The following RHOA variants were observed in gnomAD, a reference collection of about 807,000 sequenced individuals.
RHOA encodes the protein transforming protein RhoA.
In RHOA, 3 loss-of-function variants were observed where a neutral mutation model predicts 17.5. The ratio of observed to expected loss-of-function variants is 0.17; its 90% CI spans 0.08 to 0.44. The LOEUF (loss-of-function observed/expected upper bound fraction) is 0.44. Ranked by LOEUF, RHOA falls within the 20% of genes least tolerant of loss-of-function variation. The pLI, the probability that RHOA is intolerant of heterozygous loss-of-function variation, is 0.99. For synonymous variants in RHOA, 98 were observed against 88.4 expected, an observed-to-expected ratio of 1.11 and a Z score of -0.61; for missense variants, 56 against 242.3, an observed-to-expected ratio of 0.23 and a Z score of 5.10.
intron 1 of RHOA, among the ~76,000 whole-genome samples, chr3:49,411,607 C>G (rs909750487): frequency 6.6e-6 from 1 of 151,866 alleles, no homozygotes; most frequent in Admixed American, 6.6e-5. Flanking sequence ...AGGAGACTAC[C>G]GGGCGCGCTT....
At chr3:49,394,805 C>T (rs935755005) in intron 1 of RHOA, among the ~76,000 whole-genome samples, 1 of 152,160 alleles carries the variant, frequency 6.6e-6, no homozygotes, top group Non-Finnish European at 1.5e-5. Flanking sequence ...GCAAGTGATT[C>T]TGCCAGAGAG....
chr3:49,399,582 T>C (rs1218372306), intron 1 of RHOA, among the ~76,000 whole-genome samples: 1 of 151,290 alleles, frequency 6.6e-6, no homozygotes, highest in Non-Finnish European at 1.5e-5. Context: ...AGGAGCTTTT[T>C]TTTTTTTTTC....
At chr3:49,379,418 T>G (rs991968883) in intron 1 of RHOA, among the ~76,000 whole-genome samples, 2 of 151,904 alleles carry the variant, frequency 1.3e-5, no homozygotes, top group South Asian at 4.2e-4. Context: ...AATACTGGAG[T>G]TTCTCAGGTA....
At chr3:49,382,788 C>CTGGG (rs2048338009) in intron 1 of RHOA, among the ~76,000 whole-genome samples, 1 of 152,152 alleles carries the variant, frequency 6.6e-6, no homozygotes, top group African/African-American at 2.4e-5. Context: ...GCCGAGTGTG[C>CTGGG]TGGGGTTCAT....
intron 1 of RHOA, among the ~76,000 whole-genome samples, chr3:49,385,877 G>A (rs1170159965): frequency 3.3e-5 from 5 of 152,128 alleles, no homozygotes; most frequent in Non-Finnish European, 7.3e-5. Context: ...GCACACTTGA[G>A]AAATCAACTA....
chr3:49,367,342 CAAAAAAA>C (rs62926260), intron 3 of RHOA, among the ~76,000 whole-genome samples: 49 of 80,500 alleles, frequency 6.1e-4, no homozygotes, highest in African/African-American at 2.0e-3. Flanking sequence ...GACTCCCTCT[CAAAAAAA>C]AAAAAAAAAA....
intron 1 of RHOA, among the ~76,000 whole-genome samples, chr3:49,398,223 C>T (rs2048652126): frequency 7.5e-6 from 1 of 133,156 alleles, no homozygotes; most frequent in African/African-American, 2.8e-5. Flanking sequence ...TGGTGGCGCG[C>T]TCCTGTGGTC....
intron 2 of RHOA, among the ~76,000 whole-genome samples, chr3:49,373,061 T>C (rs1243777039): frequency 6.6e-6 from 1 of 151,964 alleles, no homozygotes; most frequent in African/African-American, 2.4e-5. Context: ...CAAGTAGAAG[T>C]GGCCAGGCAC....
chr3:49,360,338 A>G lies in RHOA; in HGVS notation c.453T>C (p.Ile151=), dbSNP rs773899479. 1 of 1,613,806 alleles carries G rather than the reference A, an allele frequency of 6.2e-7. No individual in the cohort carries two copies. The highest frequency in any genetic ancestry group is 8.5e-7 in the Non-Finnish European group (1 of 1,179,918). The change falls in exon 5 of 5, where the codon ATT becomes ATC. Residue 151 remains isoleucine (I), a synonymous_variant. Coordinates refer to ENST00000418115, the MANE Select transcript of RHOA (RefSeq NM_001664.4). ...PEEGRDMANR[I]GAFGYMECSA... ...AACACTCCATGTACCCAAAAGCGCC[A>G]ATCCTGTTTGCCATATCTCTGCCTT...
intron 1 of RHOA, among the ~76,000 whole-genome samples, chr3:49,379,200 G>C (rs558845797): frequency 6.6e-6 from 1 of 152,076 alleles, no homozygotes; most frequent in South Asian, 2.1e-4. Flanking sequence ...ATTATTCAGC[G>C]ATAAAGGATA....
chr3:49,396,973 T>C (rs2048626246), intron 1 of RHOA, among the ~76,000 whole-genome samples: 1 of 151,362 alleles, frequency 6.6e-6, no homozygotes, highest in Non-Finnish European at 1.5e-5. Flanking sequence ...CTACAAAAAA[T>C]AAAAATATTA....
intron 1 of RHOA, among the ~76,000 whole-genome samples, chr3:49,401,777 T>C (rs376537038): frequency 2.1e-4 from 32 of 152,302 alleles, no homozygotes; most frequent in African/African-American, 7.0e-4. Context: ...TTTTGGAATA[T>C]CTGCATTATA....
At chr3:49,369,047 C>T (rs1365540974) in intron 2 of RHOA, among the ~76,000 whole-genome samples, 5 of 83,608 alleles carry the variant, frequency 6.0e-5, no homozygotes, top group African/African-American at 2.1e-4. Flanking sequence ...TTTGTTGAGA[C>T]GGAGTCTTAC....
At chr3:49,411,613 C>A (rs1230741078) in intron 1 of RHOA, among the ~76,000 whole-genome samples, 1 of 151,706 alleles carries the variant, frequency 6.6e-6, no homozygotes, top group Non-Finnish European at 1.5e-5. Flanking sequence ...CTACCGGGCG[C>A]GCTTCCGGGG....
At chr3:49,372,023 T>G (rs1575650431) in intron 2 of RHOA, among the ~76,000 whole-genome samples, 1 of 152,328 alleles carries the variant, frequency 6.6e-6, no homozygotes, top group East Asian at 1.9e-4. Context: ...GTAATATACA[T>G]TCACTACTAG....
chr3:49,406,540 G>T (rs1220151438), intron 1 of RHOA, among the ~76,000 whole-genome samples: 2 of 152,174 alleles, frequency 1.3e-5, no homozygotes, highest in Admixed American at 1.3e-4. Flanking sequence ...AAGCTGAGGC[G>T]GGTGGATTGC....
At chr3:49,404,757 C>T (rs1400730097) in intron 1 of RHOA, among the ~76,000 whole-genome samples, 19 of 145,758 alleles carry the variant, frequency 1.3e-4, no homozygotes, top group Non-Finnish European at 2.6e-4. Context: ...GGTTAAACCC[C>T]GTCTCTACTA....
At chr3:49,374,642 A>G (rs1357113312) in intron 2 of RHOA, among the ~76,000 whole-genome samples, 2 of 152,108 alleles carry the variant, frequency 1.3e-5, no homozygotes, top group Non-Finnish European at 2.9e-5. Flanking sequence ...GAATTGCTTG[A>G]ACCCGGGAGG....
chr3:49,387,166 C>T (rs754035694), intron 1 of RHOA, among the ~76,000 whole-genome samples: 8 of 131,848 alleles, frequency 6.1e-5, no homozygotes, highest in Non-Finnish European at 9.5e-5. Flanking sequence ...AAAAACAGGC[C>T]GGGCGTGGTG....
Sources: allele counts gnomAD v4.1 joint callset (sites outside exome capture counted in the v4.1 genomes callset), GRCh38; gene constraint gnomAD v4.1.1; transcripts MANE v1.5; gene names NCBI Gene and HGNC (gene_info 2026-07-23, HGNC 2026-07-21).